Variants in CEP170 observed in about 807,000 individuals in gnomAD.
CEP170 encodes the protein centrosomal protein of 170 kDa.
Under a neutral mutation model 151.9 loss-of-function variants are expected in CEP170, and 21 were observed. That is an observed-to-expected ratio of 0.14 (90% CI 0.10 to 0.20). The LOEUF (loss-of-function observed/expected upper bound fraction) is 0.20, where lower values mean the gene tolerates loss of function less well. CEP170 is among the 10% of genes least tolerant of loss of function. CEP170 has a pLI of 1.00. For missense variants in CEP170, 964 were observed against 1,892.9 expected, an observed-to-expected ratio of 0.51 and a Z score of 9.11; for synonymous variants, 356 against 648.8, an observed-to-expected ratio of 0.55 and a Z score of 6.86.
At chr1:243,171,036 A>G (rs2058806314) in intron 11 of CEP170, among the ~76,000 whole-genome samples, 2 of 152,218 alleles carry the variant, frequency 1.3e-5, no homozygotes, top group South Asian at 4.1e-4. Context: ...CTGTTAGGTA[A>G]TGTTAGGTAA....
intron 1 of CEP170, among the ~76,000 whole-genome samples, chr1:243,247,489 G>A (rs897494000): frequency 3.9e-5 from 6 of 152,152 alleles, no homozygotes; most frequent in African/African-American, 1.4e-4. Flanking sequence ...GAGTAGCTGG[G>A]ATTACAGGCC....
At chr1:243,130,358 A>G (rs1311987727) in intron 17 of CEP170, among the ~76,000 whole-genome samples, 2 of 152,210 alleles carry the variant, frequency 1.3e-5, no homozygotes, top group Non-Finnish European at 2.9e-5. Context: ...ATACTTGCAC[A>G]TAATAACCTA....
Position 243,178,844 on chromosome 1 carries a change from G to A in CEP170, c.1567-5998C>T, listed in dbSNP as rs1210288009. Among the ~76,000 whole-genome samples, 13 of 151,748 alleles carry A rather than the reference G, an allele frequency of 8.6e-5. No individual in the cohort carries two copies. In the East Asian group the frequency reaches 1.9e-3, roughly 23 times the overall value. On this transcript the variant is annotated intron_variant, in intron 10 of 19. Transcript: ENST00000366542. ...AGCGATTCTCCTGCCTCAGCCTCCCGAGTAGCTGGGATTGCAGGCTCATGC... is the reference window on the plus strand; with the variant it reads ...AGCGATTCTCCTGCCTCAGCCTCCCAAGTAGCTGGGATTGCAGGCTCATGC...
At chr1:243,235,624 A>C (rs1358822314) in intron 1 of CEP170, among the ~76,000 whole-genome samples, 1 of 152,156 alleles carries the variant, frequency 6.6e-6, no homozygotes, top group Non-Finnish European at 1.5e-5. Flanking sequence ...AATTAAAGCA[A>C]ATAGGTTTAA....
At chr1:243,241,418 C>G (rs1485980471) in intron 1 of CEP170, among the ~76,000 whole-genome samples, 2 of 152,170 alleles carry the variant, frequency 1.3e-5, no homozygotes. Flanking sequence ...GAATGCTTCA[C>G]CTTCTATAAA....
At chr1:243,243,538 T>A (rs1040173549) in intron 1 of CEP170, among the ~76,000 whole-genome samples, 5 of 130,490 alleles carry the variant, frequency 3.8e-5, no homozygotes, top group Non-Finnish European at 7.8e-5. Context: ...TTATTTATTT[T>A]TTGGAGACAG....
intron 15 of CEP170, chr1:243,140,545 A>G (rs1413289583): frequency 6.5e-6 from 1 of 152,832 alleles, no homozygotes; most frequent in African/African-American, 2.4e-5. Flanking sequence ...TTTCTTCACA[A>G]GATACATAAA....
In CEP170 at chr1:243,248,885, T is replaced by C. The variant is rs1487935805; in HGVS notation, c.-42+6155A>G. On this transcript the variant is annotated intron_variant, in intron 1 of 19. Transcript: ENST00000366542. Reference sequence around the variant, plus strand: ...TTTCCTCACTCACCTTCAGCCACAGTGTTCTCCAAATTCACTTATCCCATT... The same window carrying C: ...TTTCCTCACTCACCTTCAGCCACAGCGTTCTCCAAATTCACTTATCCCATT... Among the ~76,000 whole-genome samples the C allele has an allele frequency of 2.0e-5, 3 of 152,170 alleles. No homozygotes were observed. In the East Asian group the frequency reaches 5.8e-4, roughly 29 times the overall value.
intron 13 of CEP170, 32 bp from the exon 14 acceptor site, chr1:243,156,487 A>G (rs1572316443): frequency 6.6e-7 from 1 of 1,513,758 alleles, no homozygotes; most frequent in Non-Finnish European, 8.9e-7. Context: ...AAAAAGAATT[A>G]TTATGTTATC....
Position 243,233,741 on chromosome 1 carries a change from A to T in CEP170, c.-41-8420T>A, listed in dbSNP as rs1288074901. 2.6e-4 allele frequency among the ~76,000 whole-genome samples: 37 copies of T among 140,412 alleles called. 1 individual carries two copies. The highest frequency in any genetic ancestry group is 3.7e-3 in the Middle Eastern group (1 of 268). The allele number at this position is 140,412 out of a possible 152,430, so 92.1% of individuals were successfully genotyped here. A position where few individuals can be genotyped will look rare whatever the true frequency, so the allele number is the denominator to read the frequency against. ...GAGCAAGACTCCATCTCAAAAAAAA[A>T]ATATATATATATATATATATATATA... On this transcript the variant is annotated intron_variant, in intron 1 of 19. Coordinates refer to ENST00000366542, the MANE Select transcript of CEP170 (RefSeq NM_014812.3).
At chr1:243,239,391 ACT>A (rs1444074976) in intron 1 of CEP170, among the ~76,000 whole-genome samples, 1 of 151,906 alleles carries the variant, frequency 6.6e-6, no homozygotes, top group Non-Finnish European at 1.5e-5. Flanking sequence ...TTACTGCAGA[ACT>A]CTTTTACCTG....
At chr1:243,248,850 A>G (rs1042260260) in intron 1 of CEP170, among the ~76,000 whole-genome samples, 2 of 152,120 alleles carry the variant, frequency 1.3e-5, no homozygotes, top group Non-Finnish European at 2.9e-5. Context: ...ATTTCCTCCT[A>G]TAAGCACCTT....
At chr1:243,157,055 C>T (rs1456578593) in intron 13 of CEP170, among the ~76,000 whole-genome samples, 10 of 152,080 alleles carry the variant, frequency 6.6e-5, no homozygotes, top group Admixed American at 2.0e-4. Flanking sequence ...AATCTTTTTA[C>T]GTGGTAAAAA....
At chr1:243,134,860 A>T (rs1228728958) in intron 17 of CEP170, among the ~76,000 whole-genome samples, 5 of 152,026 alleles carry the variant, frequency 3.3e-5, no homozygotes, top group Non-Finnish European at 5.9e-5. Flanking sequence ...GTCTGTCAAT[A>T]CATTTCACTC....
chr1:243,239,508 T>C (rs903622628), intron 1 of CEP170, among the ~76,000 whole-genome samples: 3 of 152,222 alleles, frequency 2.0e-5, no homozygotes, highest in African/African-American at 7.2e-5. Context: ...TAATTTTCAA[T>C]AGCTCCCTAT....
intron 14 of CEP170, among the ~76,000 whole-genome samples, chr1:243,148,717 A>G (rs2056779003): frequency 6.6e-6 from 1 of 152,232 alleles, no homozygotes; most frequent in African/African-American, 2.4e-5. Context: ...TAACTCATAT[A>G]TTTGACTTAC....
At chr1:243,168,277 C>A (rs1228597316) in intron 12 of CEP170, 1 of 151,958 alleles carries the variant, frequency 6.6e-6, no homozygotes, top group Non-Finnish European at 1.5e-5. Flanking sequence ...TTACAAAATT[C>A]TTAAAACAGA....
At chr1:243,169,833 A>C in intron 11 of CEP170, 79 bp from the exon 12 acceptor site, 1 of 1,542,490 alleles carries the variant, frequency 6.5e-7, no homozygotes, top group South Asian at 1.3e-5. Flanking sequence ...TCATTTAGTC[A>C]CATTAACTTG....
rs184722564 is a variant in CEP170, at chr1:243,139,984, G to C, written c.4183C>G (p.Pro1395Ala). 8.1e-6 allele frequency: 13 copies of C among 1,613,640 alleles called. No homozygotes were observed. The South Asian group carries it at 1.4e-4, about 18-fold the overall frequency. ...CGCCTTGTAATTGTTAAGTGATCGGGAGGCTCTGCTGCTTGAGGTCTTGGA... is the reference window on the plus strand; with the variant it reads ...CGCCTTGTAATTGTTAAGTGATCGGCAGGCTCTGCTGCTTGAGGTCTTGGA... The part of the protein sequence containing the change: ...GDPRPQAAEP[P>A]DHLTITRRRT... The change falls in exon 16 of 20, where the codon CCC (proline) becomes GCC (alanine). Residue 1395 changes from proline to alanine, a missense_variant. Transcript: ENST00000366542.
Sources: gnomAD v4.1 joint callset for allele counts (sites outside exome capture counted in the v4.1 genomes callset) on GRCh38, gnomAD v4.1.1 for gene constraint, MANE v1.5 for transcripts, NCBI Gene and HGNC (gene_info 2026-07-23, HGNC 2026-07-21) for gene names.